The following EIF2A variants were observed in gnomAD, a reference collection of about 807,000 sequenced individuals.
EIF2A encodes the protein eukaryotic translation initiation factor 2A.
EIF2A carries 62 observed loss-of-function variants against 75.2 expected under a neutral mutation model. That is an observed-to-expected ratio of 0.82 (90% CI 0.67 to 1.02). The LOEUF (loss-of-function observed/expected upper bound fraction) is 1.02. Among genes scored for constraint, EIF2A ranks in the 50% least tolerant of loss-of-function variants. The probability of loss-of-function intolerance (pLI) is 0.00; values close to 1 mark genes in which losing one functional copy is unlikely to be tolerated. For synonymous variants in EIF2A, 207 were observed against 239.0 expected (o/e 0.87, Z 1.23); for missense variants, 611 against 677.7 (o/e 0.90, Z 1.09).
At chr3:150,559,291 C>G (rs1213323468) in intron 3 of EIF2A, among the ~76,000 whole-genome samples, 1 of 152,088 alleles carries the variant, frequency 6.6e-6, no homozygotes, top group South Asian at 2.1e-4. Context: ...TTAGTTGATT[C>G]ACCTTTTATG....
intron 1 of EIF2A, among the ~76,000 whole-genome samples, chr3:150,549,222 C>CTTTCTT (rs1276096201): frequency 7.3e-6 from 1 of 136,496 alleles, no homozygotes; most frequent in African/African-American, 2.7e-5. Context: ...TTCTTTCTTT[C>CTTTCTT]TTTTTTTTTT....
intron 2 of EIF2A, among the ~76,000 whole-genome samples, chr3:150,554,413 G>A (rs2107906775): frequency 6.6e-6 from 1 of 152,304 alleles, no homozygotes; most frequent in African/African-American, 2.4e-5. Flanking sequence ...AATAAATGGA[G>A]AATGGATGCT....
At position 150,583,848 on chromosome 3, in the gene EIF2A, G is replaced by A. The variant is rs748095596; in HGVS notation, c.1695G>A (p.Leu565=). ...TTCATTGTTTCAAACTTTTCTAGTTGGAGAAAATTCAGAAAGAAACAGCCC... is the reference window on the plus strand; with the variant it reads ...TTCATTGTTTCAAACTTTTCTAGTTAGAGAAAATTCAGAAAGAAACAGCCC... ...ATGKQLEKNQ[L]EKIQKETALL... Residue 565 remains leucine (L), a splice_region_variant and synonymous_variant, in exon 14 of 14, where the codon TTG becomes TTA. Transcript: ENST00000460851. The A allele has an allele frequency of 2.5e-6, 4 of 1,612,996 alleles. No homozygotes were observed. Among genetic ancestry groups the A allele is most frequent in the Admixed American group, 3.3e-5 (2 of 59,928 alleles).
chr3:150,547,091 G>A (rs1365112933), intron 1 of EIF2A: 4 of 548,906 alleles, frequency 7.3e-6, no homozygotes, highest in East Asian at 3.1e-5. Context: ...ATAGAAGAAG[G>A]GGGAGAAAAA....
At chr3:150,570,853 C>T (rs1008151878) in intron 9 of EIF2A, among the ~76,000 whole-genome samples, 3 of 133,154 alleles carry the variant, frequency 2.3e-5, no homozygotes, top group Non-Finnish European at 3.4e-5. Context: ...GATCACCTGA[C>T]GTTAGGAGTT....
In EIF2A at chr3:150,563,553, C is replaced by T. The variant is rs181238642; in HGVS notation, c.331C>T (p.Leu111Phe). 1.5e-3 allele frequency: 2,246 copies of T among 1,544,504 alleles called. 12 individuals carry two copies. The highest frequency in any genetic ancestry group is 1.7e-3 in the Non-Finnish European group (1,894 of 1,145,736). Residue 111 changes from leucine to phenylalanine, a missense_variant, in exon 5 of 14, where the codon CTT (leucine) becomes TTT (phenylalanine). Physicochemically the swap from Leu to Phe is conservative, Grantham distance 22 (BLOSUM62 0). Transcript: ENST00000460851. ...CACAGCTGGGATACCCAACCTACAA[C>T]TTTATGATGTGAAAACTGGGACATG... is the stretch of plus-strand genomic sequence containing the variant. ...DGTAGIPNLQ[L>F]YDVKTGTCLK...
At position 150,572,486 on chromosome 3, in the gene EIF2A, G is replaced by C. The variant is rs1204820934; in HGVS notation, c.1340G>C (p.Arg447Thr). ...NEEPKVATAY[R>T]PPALRNKPIT... Reference sequence around the variant, plus strand: ...GAACCTAAAGTTGCAACAGCTTATAGACCCCCAGCTTTAAGAAATAAACCA... The same window carrying C: ...GAACCTAAAGTTGCAACAGCTTATACACCCCCAGCTTTAAGAAATAAACCA... Residue 447 changes from arginine to threonine, a missense_variant, in exon 10 of 14, where the codon AGA becomes ACA. Coordinates refer to ENST00000460851, the MANE Select transcript of EIF2A (RefSeq NM_032025.5). The C allele has an allele frequency of 6.2e-7, 1 of 1,613,422 alleles. No homozygotes were observed. Among genetic ancestry groups the C allele is most frequent in the Admixed American group, 1.7e-5 (1 of 59,908 alleles).
At position 150,568,429 on chromosome 3, in the gene EIF2A, CTTAA is replaced by C. The variant is rs963995060; in HGVS notation, c.811+142_811+145del. On this transcript the variant is annotated intron_variant, in intron 9 of 13. Transcript: ENST00000460851. The stretch of plus-strand genomic sequence containing the variant: ...TAATAACCTTTAAGATAAAATTTTT[CTTAA>C]TTAAGAAACTTAAAAATCATCCTCC... 150 of 677,562 alleles carry C rather than the reference CTTAA, an allele frequency of 2.2e-4. 1 individual carries two copies. Among genetic ancestry groups the C allele is most frequent in the East Asian group, 9.9e-5 (3 of 30,176 alleles). The allele number at this position is 677,562 out of a possible 1,614,324, so 42.0% of individuals were successfully genotyped here. A position where few individuals can be genotyped will look rare whatever the true frequency, so the allele number is the denominator to read the frequency against.
rs1559880679 is a variant in EIF2A, at chr3:150,567,702, CAAAT to C, written c.490_493del (p.Lys164CysfsTer49). 1.9e-6 allele frequency: 3 copies of C among 1,542,394 alleles called. No homozygotes were observed. The highest frequency in any genetic ancestry group is 2.6e-6 in the Non-Finnish European group (3 of 1,141,388). On this transcript the variant is annotated frameshift_variant, in exon 7 of 14. Transcript: ENST00000460851. LOFTEE classifies it high-confidence loss of function. ...TTACTCTTTTTTTTAGACACAATTG[CAAAT>C]AAATTGCATTTGCAAAAAATTAATG... is the stretch of plus-strand genomic sequence containing the variant.
chr3:150,552,494 G>C (rs753461158), intron 2 of EIF2A, 69 bp downstream of exon 2: 1 of 1,336,216 alleles, frequency 7.5e-7, no homozygotes, highest in East Asian at 2.5e-5. Flanking sequence ...TTTGTTGGTG[G>C]TGTATTTTGA....
In EIF2A at chr3:150,564,339, AAT is replaced by A; in HGVS notation, c.434_435del (p.Asn145SerfsTer2). ...WSEDETLCAR[N>X]VNNEVHFFEN... ...AGAAGATGAAACTCTTTGTGCCCGC[AAT>A]GTTAACAATGAAGTTCACTTCTTTG... On this transcript the variant is annotated frameshift_variant, in exon 6 of 14. Coordinates refer to ENST00000460851, the MANE Select transcript of EIF2A (RefSeq NM_032025.5). LOFTEE classifies it high-confidence loss of function. 1 of 1,602,970 alleles carries A rather than the reference AAT, an allele frequency of 6.2e-7. No individual in the cohort carries two copies. The highest frequency in any genetic ancestry group is 8.5e-7 in the Non-Finnish European group (1 of 1,176,012).
chr3:150,573,679 C>T (rs929518781), intron 10 of EIF2A, among the ~76,000 whole-genome samples: 3 of 151,954 alleles, frequency 2.0e-5, no homozygotes, highest in South Asian at 4.1e-4. Context: ...GAAATGTTTA[C>T]GTGTATCTAA....
rs1275623333 is a variant in EIF2A at position 150,584,220 on chromosome 3, G to A, written c.*309G>A. The stretch of plus-strand genomic sequence containing the variant: ...AGAGGGTGATATATACCATGTAAAT[G>A]AACAAAGACATTTTAAATTTAATCA... On this transcript the variant is annotated 3_prime_UTR_variant, in exon 14 of 14. Coordinates refer to ENST00000460851, the MANE Select transcript of EIF2A (RefSeq NM_032025.5). The A allele has an allele frequency of 8.5e-6, 2 of 235,892 alleles. No individual in the cohort carries two copies. The highest frequency in any genetic ancestry group is 2.3e-5 in the African/African-American group (1 of 44,162). 14.6% of individuals were successfully genotyped at this position (235,892 alleles called of 1,614,324 possible).
chr3:150,575,827 G>C (rs1372571717), intron 11 of EIF2A, 65 bp downstream of exon 11: 6 of 1,371,898 alleles, frequency 4.4e-6, no homozygotes, highest in Non-Finnish European at 2.0e-6. Context: ...AGTGGCTCAC[G>C]CCCGTAATCC....
At chr3:150,562,288 G>A (rs1297622359) in intron 3 of EIF2A, among the ~76,000 whole-genome samples, 1 of 151,874 alleles carries the variant, frequency 6.6e-6, no homozygotes, top group East Asian at 2.0e-4. Context: ...CGGGCGTGGT[G>A]GCGGGCACCT....
chr3:150,549,240 G>A (rs1489976777), intron 1 of EIF2A, among the ~76,000 whole-genome samples: 4 of 132,786 alleles, frequency 3.0e-5, no homozygotes, highest in African/African-American at 1.1e-4. Context: ...TTTTTTTTGA[G>A]ATAGTTTCGC....
At position 150,562,610 on chromosome 3, in the gene EIF2A, T is replaced by C. The variant is rs1396323219; in HGVS notation, c.242T>C (p.Leu81Pro). ...TTCGACCTCCTGAAGGCAGTTTGCC[T>C]TGAATTCTCACCCAAAAATACTGTC... Reference protein sequence around the residue: ...HSFDLLKAVCLEFSPKNTVLA... With the variant: ...HSFDLLKAVCPEFSPKNTVLA... The change falls in exon 4 of 14, where the codon CTT becomes CCT. Residue 81 changes from leucine (L) to proline (P), a missense_variant. Coordinates refer to ENST00000460851, the MANE Select transcript of EIF2A (RefSeq NM_032025.5). 6.2e-7 allele frequency: 1 copy of C among 1,613,558 alleles called. No homozygotes were observed. Among genetic ancestry groups the C allele is most frequent in the Admixed American group, 1.7e-5 (1 of 60,002 alleles).
chr3:150,562,733 G>A, intron 4 of EIF2A, 73 bp downstream of exon 4: 1 of 1,093,088 alleles, frequency 9.1e-7, no homozygotes, highest in Non-Finnish European at 1.3e-6. Context: ...AAGTTATAAA[G>A]TTTATAACCT....
chr3:150,584,280 CTTTA>C lies in EIF2A; in HGVS notation c.*372_*375del, dbSNP rs1725354478. 6.3e-6 allele frequency: 1 copy of C among 158,204 alleles called. No individual in the cohort carries two copies. Among genetic ancestry groups the C allele is most frequent in the African/African-American group, 2.4e-5 (1 of 41,630 alleles). 9.8% of individuals were successfully genotyped at this position (158,204 alleles called of 1,614,324 possible). On this transcript the variant is annotated 3_prime_UTR_variant, in exon 14 of 14. Coordinates refer to ENST00000460851, the MANE Select transcript of EIF2A (RefSeq NM_032025.5). ...TTATAAGTTCCTTAGTTCAGATATCCTTTATTAATTTATAAGATGTGTAAAACTA... is the reference window on the plus strand; with the variant it reads ...TTATAAGTTCCTTAGTTCAGATATCCTTAATTTATAAGATGTGTAAAACTA...
Sources: gnomAD v4.1 joint callset for allele counts (sites outside exome capture counted in the v4.1 genomes callset) on GRCh38, gnomAD v4.1.1 for gene constraint, MANE v1.5 for transcripts, NCBI Gene and HGNC (gene_info 2026-07-23, HGNC 2026-07-21) for gene names.